ZFPM2: variants seen among roughly 807,000 people sequenced by gnomAD.
ZFPM2 encodes the protein zinc finger protein ZFPM2.
A neutral mutation model predicts 98.6 loss-of-function variants in ZFPM2; 20 were observed. The observed-to-expected ratio is 0.20, with a 90% CI of 0.14 to 0.29. The LOEUF (loss-of-function observed/expected upper bound fraction) is 0.29. ZFPM2 is among the 10% of genes least tolerant of loss of function. The probability of loss-of-function intolerance (pLI) is 1.00; values close to 1 mark genes in which losing one functional copy is unlikely to be tolerated. For synonymous variants in ZFPM2, 518 were observed against 502.7 expected (o/e 1.03, Z -0.41); for missense variants, 1,310 against 1,388.6 (o/e 0.94, Z 0.90).
At chr8:105,799,014 A>G (rs1813921043) in intron 7 of ZFPM2, 66 bp downstream of exon 7, 1 of 1,369,558 alleles carries the variant, frequency 7.3e-7, no homozygotes, top group South Asian at 1.3e-5. Context: ...ATATATATGC[A>G]TTACATGTAT....
At chr8:105,418,497 A>C in intron 1 of ZFPM2, 1 of 507,444 alleles carries the variant, frequency 2.0e-6, no homozygotes, top group South Asian at 1.4e-5. Context: ...ATTACTGAAA[A>C]AGTATCACAT....
In ZFPM2 at chr8:105,455,488, A is replaced by T. The variant is rs559565019; in HGVS notation, c.301+11107A>T. On this transcript the variant is annotated intron_variant, in intron 3 of 7. Coordinates refer to ENST00000407775, the MANE Select transcript of ZFPM2 (RefSeq NM_012082.4). ...TGGTATAAGATGAAGCAGGGTTCAG[A>T]TTCTTCAGTGCCTTGTAGTCTGTAA... 1.4e-3 allele frequency among the ~76,000 whole-genome samples: 211 copies of T among 151,720 alleles called. 3 individuals carry two copies. Among genetic ancestry groups the T allele is most frequent in the Non-Finnish European group, 1.6e-4 (11 of 67,864 alleles).
intron 1 of ZFPM2, chr8:105,418,686 A>G (rs755309860): frequency 8.0e-5 from 40 of 499,150 alleles, no homozygotes; most frequent in Non-Finnish European, 1.2e-4. Context: ...TTTTAAAAGT[A>G]TAGACTTTAT....
At chr8:105,438,611 G>C (rs1011180678) in intron 2 of ZFPM2, among the ~76,000 whole-genome samples, 3 of 152,034 alleles carry the variant, frequency 2.0e-5, no homozygotes, top group African/African-American at 7.3e-5. Flanking sequence ...CTTAACCATG[G>C]TCTCACAAAA....
rs1168535522 is a variant in ZFPM2 at position 105,801,872 on chromosome 8, C to T, written c.1790C>T (p.Pro597Leu). The T allele has an allele frequency of 6.2e-7, 1 of 1,613,764 alleles. No individual in the cohort carries two copies. Among genetic ancestry groups the T allele is most frequent in the African/African-American group, 1.3e-5 (1 of 74,874 alleles). The change falls in exon 8 of 8, where the codon CCC becomes CTC. Residue 597 changes from proline to leucine, a missense_variant. Transcript: ENST00000407775. ...VSEKMPEALS[P>L]NTGQTSINLL... is the part of the protein sequence containing the mutation. Reference sequence around the variant, plus strand: ...GAAAAGATGCCTGAAGCTTTGAGTCCCAACACTGGCCAAACCTCCATAAAC... The same window carrying T: ...GAAAAGATGCCTGAAGCTTTGAGTCTCAACACTGGCCAAACCTCCATAAAC...
At chr8:105,575,889 C>T (rs1397825554) in intron 4 of ZFPM2, among the ~76,000 whole-genome samples, 1 of 152,114 alleles carries the variant, frequency 6.6e-6, no homozygotes, top group Admixed American at 6.6e-5. Flanking sequence ...TTTGGATCCA[C>T]ATATGGTTCA....
chr8:105,522,252 T>C (rs1013703952), intron 3 of ZFPM2, among the ~76,000 whole-genome samples: 6 of 152,202 alleles, frequency 3.9e-5, no homozygotes, highest in Non-Finnish European at 7.4e-5. Flanking sequence ...ATATATGTTT[T>C]GGATGATTTT....
At chr8:105,442,982 G>T (rs1400909002) in intron 2 of ZFPM2, among the ~76,000 whole-genome samples, 2 of 151,790 alleles carry the variant, frequency 1.3e-5, no homozygotes, top group Non-Finnish European at 2.9e-5. Flanking sequence ...ATACTTCAGA[G>T]AAAGCTAGAT....
chr8:105,709,640 A>T (rs1383576034), intron 5 of ZFPM2, among the ~76,000 whole-genome samples: 2 of 152,176 alleles, frequency 1.3e-5, no homozygotes, highest in Non-Finnish European at 2.9e-5. Context: ...TGAATACTTA[A>T]CTGAGAGTAG....
intron 5 of ZFPM2, among the ~76,000 whole-genome samples, chr8:105,772,639 A>T (rs1813006172): frequency 1.3e-5 from 2 of 152,180 alleles, no homozygotes; most frequent in Admixed American, 1.3e-4. Flanking sequence ...ATTTAGAAGC[A>T]GTATATGTGT....
chr8:105,649,351 C>T (rs930952678), intron 5 of ZFPM2, among the ~76,000 whole-genome samples: 4 of 152,084 alleles, frequency 2.6e-5, no homozygotes, highest in Admixed American at 2.6e-4. Flanking sequence ...TTCCTCTTTT[C>T]CTAATTGAAT....
intron 3 of ZFPM2, among the ~76,000 whole-genome samples, chr8:105,508,792 C>T (rs910431779): frequency 5.9e-5 from 8 of 135,774 alleles, no homozygotes; most frequent in African/African-American, 9.6e-5. Flanking sequence ...CTGCAGAAAA[C>T]GTTCAGATTT....
intron 1 of ZFPM2, among the ~76,000 whole-genome samples, chr8:105,333,720 C>A (rs1452617727): frequency 1.3e-5 from 2 of 151,444 alleles, no homozygotes; most frequent in African/African-American, 2.4e-5. Flanking sequence ...TATGGTATAA[C>A]CCTCTCAGGT....
At chr8:105,443,485 G>T (rs1226986654) in intron 2 of ZFPM2, among the ~76,000 whole-genome samples, 2 of 151,706 alleles carry the variant, frequency 1.3e-5, no homozygotes, top group Admixed American at 1.3e-4. Flanking sequence ...ATATTAAAGT[G>T]GACTACTTTT....
chr8:105,513,889 G>C (rs1489132049), intron 3 of ZFPM2, among the ~76,000 whole-genome samples: 1 of 152,058 alleles, frequency 6.6e-6, no homozygotes, highest in Non-Finnish European at 1.5e-5. Flanking sequence ...TAATCTTGCT[G>C]TAATCACTCA....
intron 3 of ZFPM2, among the ~76,000 whole-genome samples, chr8:105,503,756 A>G (rs938717825): frequency 3.9e-5 from 6 of 152,196 alleles, no homozygotes; most frequent in African/African-American, 1.4e-4. Context: ...ACATTGATAA[A>G]GTCTTATTTA....
At chr8:105,441,560 C>T (rs973041520) in intron 2 of ZFPM2, among the ~76,000 whole-genome samples, 1 of 151,846 alleles carries the variant, frequency 6.6e-6, no homozygotes, top group Non-Finnish European at 1.5e-5. Context: ...CCCTTGGTCA[C>T]AAAGCAGGGC....
intron 1 of ZFPM2, among the ~76,000 whole-genome samples, chr8:105,365,057 A>T (rs1391831160): frequency 6.6e-6 from 1 of 152,090 alleles, no homozygotes; most frequent in African/African-American, 2.4e-5. Flanking sequence ...ACTCACTCTG[A>T]TAAGACCAGC....
At chr8:105,554,747 C>T (rs538447941) in intron 3 of ZFPM2, among the ~76,000 whole-genome samples, 3 of 152,082 alleles carry the variant, frequency 2.0e-5, no homozygotes, top group Non-Finnish European at 4.4e-5. Context: ...AGTTAAGGGT[C>T]GTTCTGTAAT....
Sources: gnomAD v4.1 joint callset for allele counts (sites outside exome capture counted in the v4.1 genomes callset) on GRCh38, gnomAD v4.1.1 for gene constraint, MANE v1.5 for transcripts, NCBI Gene and HGNC (gene_info 2026-07-23, HGNC 2026-07-21) for gene names.